ZNF385D: variants seen among roughly 807,000 people sequenced by gnomAD.
ZNF385D encodes the protein zinc finger protein 659.
In ZNF385D, 15 loss-of-function variants were observed where a neutral mutation model predicts 35.8. That is an observed-to-expected ratio of 0.42 (90% CI 0.28 to 0.64). The LOEUF (loss-of-function observed/expected upper bound fraction) is 0.64, where lower values mean the gene tolerates loss of function less well. Ranked by LOEUF, ZNF385D falls within the 30% of genes least tolerant of loss-of-function variation. The pLI, the probability that ZNF385D is intolerant of heterozygous loss-of-function variation, is 0.23. For missense variants in ZNF385D, 474 were observed against 494.6 expected (o/e 0.96, Z 0.39); for synonymous variants, 212 against 186.8 (o/e 1.13, Z -1.10).
chr3:21,804,387 T>C (rs567137653), intron 3 of ZNF385D, among the ~76,000 whole-genome samples: 3 of 152,304 alleles, frequency 2.0e-5, no homozygotes, highest in Non-Finnish European at 4.4e-5. Context: ...CAGTTACCAG[T>C]GGACAGTAAC....
chr3:21,819,647 TTA>T (rs1362850822), intron 3 of ZNF385D, among the ~76,000 whole-genome samples: 3 of 147,076 alleles, frequency 2.0e-5, no homozygotes, highest in Admixed American at 6.8e-5. Context: ...ATATTCTATA[TTA>T]TATATTTATG....
At chr3:22,147,148 G>C (rs1704912414) in intron 3 of ZNF385D, among the ~76,000 whole-genome samples, 1 of 152,136 alleles carries the variant, frequency 6.6e-6, no homozygotes, top group African/African-American at 2.4e-5. Context: ...ACAAGTACTA[G>C]GGATATAGCC....
chr3:22,195,205 G>A (rs766321004), intron 2 of ZNF385D, among the ~76,000 whole-genome samples: 1 of 151,770 alleles, frequency 6.6e-6, no homozygotes, highest in Non-Finnish European at 1.5e-5. Flanking sequence ...GTTTTAATTT[G>A]CATTTCCTTA....
At chr3:22,071,080 G>C (rs180742789) in intron 3 of ZNF385D, among the ~76,000 whole-genome samples, 1 of 152,112 alleles carries the variant, frequency 6.6e-6, no homozygotes, top group African/African-American at 2.4e-5. Flanking sequence ...AAGGTAACAT[G>C]ATATTTATGA....
chr3:22,115,908 C>T (rs780638543), intron 3 of ZNF385D, among the ~76,000 whole-genome samples: 2 of 152,006 alleles, frequency 1.3e-5, no homozygotes, highest in Non-Finnish European at 2.9e-5. Flanking sequence ...TACTTTAAAG[C>T]GAGCTGATGC....
At chr3:21,541,755 G>C (rs770751560) in intron 3 of ZNF385D, among the ~76,000 whole-genome samples, 2 of 152,122 alleles carry the variant, frequency 1.3e-5, no homozygotes, top group Non-Finnish European at 2.9e-5. Flanking sequence ...TAATGAAATG[G>C]AATGAGCAAA....
intron 3 of ZNF385D, among the ~76,000 whole-genome samples, chr3:22,041,579 T>C (rs1698664659): frequency 6.6e-6 from 1 of 152,198 alleles, no homozygotes; most frequent in South Asian, 2.1e-4. Flanking sequence ...TTTGATGCCA[T>C]TAAACTCAGT....
chr3:21,927,239 G>C (rs1053144514), intron 3 of ZNF385D, among the ~76,000 whole-genome samples: 1 of 151,904 alleles, frequency 6.6e-6, no homozygotes, highest in African/African-American at 2.4e-5. Flanking sequence ...CATGCTTCTT[G>C]TATAGCTTGC....
At chr3:21,612,915 C>T (rs2064728668) in intron 2 of ZNF385D, among the ~76,000 whole-genome samples, 1 of 150,496 alleles carries the variant, frequency 6.6e-6, no homozygotes, top group African/African-American at 2.5e-5. Context: ...TAGGTAAACA[C>T]ACCCAATCTT....
At chr3:22,278,305 T>G (rs1701538153) in intron 2 of ZNF385D, among the ~76,000 whole-genome samples, 1 of 152,108 alleles carries the variant, frequency 6.6e-6, no homozygotes, top group South Asian at 2.1e-4. Context: ...ATTGTGACCA[T>G]TTGAATACAT....
chr3:21,800,664 G>A (rs1045733970), intron 3 of ZNF385D, among the ~76,000 whole-genome samples: 3 of 151,960 alleles, frequency 2.0e-5, no homozygotes, highest in African/African-American at 7.2e-5. Flanking sequence ...TTATTCTATT[G>A]TAAGTGGAAT....
intron 2 of ZNF385D, among the ~76,000 whole-genome samples, chr3:21,612,750 T>G (rs2064721962): frequency 6.6e-6 from 1 of 152,202 alleles, no homozygotes; most frequent in South Asian, 2.1e-4. Flanking sequence ...ATCAAATGAT[T>G]TATTAGAATC....
intron 2 of ZNF385D, among the ~76,000 whole-genome samples, chr3:22,191,250 G>A (rs981069617): frequency 6.6e-6 from 1 of 152,038 alleles, no homozygotes; most frequent in African/African-American, 2.4e-5. Flanking sequence ...CAGCACTTTG[G>A]GAGGCCGAGG....
chr3:22,064,078 A>T (rs1423248586), intron 3 of ZNF385D, among the ~76,000 whole-genome samples: 1 of 152,196 alleles, frequency 6.6e-6, no homozygotes, highest in Non-Finnish European at 1.5e-5. Flanking sequence ...CACACTTTGT[A>T]CCTCACCTTT....
At chr3:22,111,611 T>C (rs990789347) in intron 3 of ZNF385D, among the ~76,000 whole-genome samples, 1 of 152,290 alleles carries the variant, frequency 6.6e-6, no homozygotes, top group Admixed American at 6.5e-5. Flanking sequence ...TGATTCCCTA[T>C]ATATTTCCTT....
intron 3 of ZNF385D, among the ~76,000 whole-genome samples, chr3:22,021,608 T>C (rs1302956886): frequency 6.6e-6 from 1 of 152,062 alleles, no homozygotes; most frequent in Non-Finnish European, 1.5e-5. Context: ...CAGGTAGTGT[T>C]TAGCTCCATG....
chr3:21,843,778 T>G (rs1695826704), intron 3 of ZNF385D, among the ~76,000 whole-genome samples: 1 of 151,978 alleles, frequency 6.6e-6, no homozygotes, highest in South Asian at 2.1e-4. Flanking sequence ...TATTTCAATA[T>G]GAACTTTGAC....
intron 1 of ZNF385D, among the ~76,000 whole-genome samples, chr3:21,693,878 T>G (rs9849647): frequency 7.7e-6 from 1 of 129,906 alleles, no homozygotes. Flanking sequence ...AAATCTTTTT[T>G]TTTCTTTTTT....
At chr3:22,313,368 G>A (rs1703691785) in intron 2 of ZNF385D, among the ~76,000 whole-genome samples, 1 of 151,872 alleles carries the variant, frequency 6.6e-6, no homozygotes, top group Non-Finnish European at 1.5e-5. Flanking sequence ...CCTGCACGTT[G>A]TGCACATGTA....
Sources: gnomAD v4.1 joint callset for allele counts (sites outside exome capture counted in the v4.1 genomes callset) on GRCh38, gnomAD v4.1.1 for gene constraint, MANE v1.5 for transcripts, NCBI Gene and HGNC (gene_info 2026-07-23, HGNC 2026-07-21) for gene names.